EBF3: variants seen among roughly 807,000 people sequenced by gnomAD.
The protein encoded by EBF3 is transcription factor COE3.
In EBF3, 18 loss-of-function variants were observed where a neutral mutation model predicts 77.1. That is an observed-to-expected ratio of 0.23 (90% CI 0.16 to 0.35). The LOEUF (loss-of-function observed/expected upper bound fraction) is 0.35, where lower values mean the gene tolerates loss of function less well. EBF3 is among the 10% of genes least tolerant of loss of function. The probability of loss-of-function intolerance (pLI) is 1.00; values close to 1 mark genes in which losing one functional copy is unlikely to be tolerated. For synonymous variants in EBF3, 350 were observed against 343.5 expected, an observed-to-expected ratio of 1.02 and a Z score of -0.21; for missense variants, 558 against 860.0, an observed-to-expected ratio of 0.65 and a Z score of 4.39.
intron 10 of EBF3, among the ~76,000 whole-genome samples, chr10:129,859,222 C>T (rs80004085): frequency 0.012 from 1,753 of 151,674 alleles, 24 homozygotes; most frequent in African/African-American, 0.031. Flanking sequence ...ACTCATTTTG[C>T]TTTTTTTTTG....
chr10:129,949,644 A>G (rs1247787513), intron 6 of EBF3, among the ~76,000 whole-genome samples: 2 of 152,132 alleles, frequency 1.3e-5, no homozygotes, highest in Non-Finnish European at 2.9e-5. Context: ...TGTACTGCAC[A>G]TATGTCACCC....
chr10:129,922,040 G>A (rs1856349123), intron 6 of EBF3, among the ~76,000 whole-genome samples: 1 of 152,228 alleles, frequency 6.6e-6, no homozygotes, highest in African/African-American at 2.4e-5. Flanking sequence ...GAGTAGCATA[G>A]GCTCATGAGG....
chr10:129,908,041 C>T (rs1284680694), intron 6 of EBF3, among the ~76,000 whole-genome samples: 1 of 152,194 alleles, frequency 6.6e-6, no homozygotes, highest in Non-Finnish European at 1.5e-5. Flanking sequence ...CCTGCCATTT[C>T]TCCTCTGATA....
rs1857973654 is a variant in EBF3 at position 129,943,826 on chromosome 10, T to A, written c.554+13432A>T. ...TTGATCCTTTTGAGCAGTTTTTTTCTGTGCTGAGCTCTCTGGAACCATATG... is the reference window on the plus strand; with the variant it reads ...TTGATCCTTTTGAGCAGTTTTTTTCAGTGCTGAGCTCTCTGGAACCATATG... On this transcript the variant is annotated intron_variant, in intron 6 of 16. Coordinates refer to ENST00000440978, the MANE Select transcript of EBF3 (RefSeq NM_001375380.1). This position sits in a 1 kb window ranked among gnomAD's most constrained non-coding sequence, Gnocchi z 8.8. Among the ~76,000 whole-genome samples, 1 of 152,246 alleles carries A rather than the reference T, an allele frequency of 6.6e-6. No homozygotes were observed. The highest frequency in any genetic ancestry group is 2.1e-4 in the South Asian group (1 of 4,824).
At position 129,864,616 on chromosome 10, in the gene EBF3, C is replaced by T. The variant is rs988682458; in HGVS notation, c.1039+2525G>A. 2.6e-5 allele frequency among the ~76,000 whole-genome samples: 4 copies of T among 152,230 alleles called. No individual in the cohort carries two copies. The highest frequency in any genetic ancestry group is 4.4e-5 in the Non-Finnish European group (3 of 68,038). On this transcript the variant is annotated intron_variant, in intron 10 of 16. Transcript: ENST00000440978. The surrounding 1 kb of genome is among the most constrained non-coding windows in gnomAD (Gnocchi z 4.4). ...AAAGCATTCATCCGGGATGGGCTGA[C>T]AGTCCAGTGTAAGAACAGGGGGCTT... is the stretch of plus-strand genomic sequence containing the variant.
At chr10:129,899,165 G>C (rs1055344984) in intron 6 of EBF3, among the ~76,000 whole-genome samples, 3 of 152,240 alleles carry the variant, frequency 2.0e-5, no homozygotes, top group African/African-American at 7.2e-5. Flanking sequence ...CTTTTATTAA[G>C]AGCTACATTG....
intron 6 of EBF3, among the ~76,000 whole-genome samples, chr10:129,878,956 G>C (rs1358267411): frequency 6.6e-6 from 1 of 152,152 alleles, no homozygotes; most frequent in African/African-American, 2.4e-5. Context: ...GGCTGGGGAG[G>C]TGAGGCCGAA....
In EBF3 at chr10:129,879,288, T is replaced by TGG. The variant is rs1451889165; in HGVS notation, c.555-1441_555-1440dup. Among the ~76,000 whole-genome samples the TGG allele has an allele frequency of 2.0e-5, 3 of 152,190 alleles. No homozygotes were observed. The highest frequency in any genetic ancestry group is 4.4e-5 in the Non-Finnish European group (3 of 68,032). ...TGCTGAAACACCCACTCTCTGCACG[T>TGG]GGCCAAGCATCCTGTCCAGCAAGGT... On this transcript the variant is annotated intron_variant, in intron 6 of 16. Transcript: ENST00000440978. The surrounding 1 kb of genome is among the most constrained non-coding windows in gnomAD (Gnocchi z 4.7).
At chr10:129,857,667 G>A (rs1327175449) in intron 10 of EBF3, among the ~76,000 whole-genome samples, 3 of 152,292 alleles carry the variant, frequency 2.0e-5, no homozygotes, top group South Asian at 2.1e-4. Flanking sequence ...TTCTGCACCA[G>A]ACACGTGCCA....
chr10:129,908,915 T>C (rs1855330120), intron 6 of EBF3, among the ~76,000 whole-genome samples: 2 of 152,206 alleles, frequency 1.3e-5, no homozygotes, highest in South Asian at 2.1e-4. Flanking sequence ...TGCAACTGCC[T>C]CTTTAAGTAA....
chr10:129,951,694 A>C (rs1454968217), intron 6 of EBF3, among the ~76,000 whole-genome samples: 1 of 152,188 alleles, frequency 6.6e-6, no homozygotes, highest in East Asian at 1.9e-4. Context: ...GGTGGCCCTG[A>C]CCCACCGCGG....
At chr10:129,867,351 A>G in intron 9 of EBF3, 84 bp from the exon 10 acceptor site, 2 of 1,575,262 alleles carry the variant, frequency 1.3e-6, no homozygotes, top group Non-Finnish European at 1.7e-6. Flanking sequence ...AATTACCAAA[A>G]TGAGCACAAA....
At chr10:129,948,852 CT>C (rs1858444404) in intron 6 of EBF3, among the ~76,000 whole-genome samples, 1 of 152,230 alleles carries the variant, frequency 6.6e-6, no homozygotes, top group East Asian at 1.9e-4. Flanking sequence ...CTGTTTGCAT[CT>C]CCCAGTCCTT....
chr10:129,868,053 A>C, intron 8 of EBF3, 141 bp from the exon 9 acceptor site: 2 of 1,148,376 alleles, frequency 1.7e-6, no homozygotes, highest in South Asian at 3.1e-5. Context: ...GGGCAACCGT[A>C]GATCAGCATG....
intron 6 of EBF3, 135 bp from the exon 7 acceptor site, chr10:129,877,984 A>T: frequency 1.5e-6 from 1 of 674,298 alleles, no homozygotes; most frequent in South Asian, 2.0e-5. Flanking sequence ...AGGGGGCGAC[A>T]TTGAGAAGAG....
intron 10 of EBF3, among the ~76,000 whole-genome samples, chr10:129,851,037 C>T (rs1850843492): frequency 6.6e-6 from 1 of 152,250 alleles, no homozygotes; most frequent in Admixed American, 6.5e-5. Flanking sequence ...CAATCAATAC[C>T]ACTTTCCTGT....
rs1851605679 is a variant in EBF3, at chr10:129,861,154, G to C, written c.1039+5987C>G. Among the ~76,000 whole-genome samples, 1 of 152,214 alleles carries C rather than the reference G, an allele frequency of 6.6e-6. No individual in the cohort carries two copies. Among genetic ancestry groups the C allele is most frequent in the African/African-American group, 2.4e-5 (1 of 41,462 alleles). ...AGATTAACTGATCATGGTTTGGGTTGATGCTGTGCCGTAGCAGTGGGGAGG... is the reference window on the plus strand; with the variant it reads ...AGATTAACTGATCATGGTTTGGGTTCATGCTGTGCCGTAGCAGTGGGGAGG... On this transcript the variant is annotated intron_variant, in intron 10 of 16. Coordinates refer to ENST00000440978, the MANE Select transcript of EBF3 (RefSeq NM_001375380.1). This position sits in a 1 kb window ranked among gnomAD's most constrained non-coding sequence, Gnocchi z 4.3.
At chr10:129,846,314 GC>G (rs2133972942) in intron 11 of EBF3, among the ~76,000 whole-genome samples, 1 of 151,852 alleles carries the variant, frequency 6.6e-6, no homozygotes, top group African/African-American at 2.4e-5. Flanking sequence ...GCTTTCTGTC[GC>G]CCCACAATTA....
At chr10:129,930,496 A>G (rs771994440) in intron 6 of EBF3, among the ~76,000 whole-genome samples, 8 of 138,456 alleles carry the variant, frequency 5.8e-5, no homozygotes, top group Non-Finnish European at 1.0e-4. Context: ...CCTCTCATAT[A>G]TCTATATCTG....
Sources: allele counts gnomAD v4.1 joint callset (sites outside exome capture counted in the v4.1 genomes callset), GRCh38; gene constraint gnomAD v4.1.1; non-coding constraint Gnocchi (gnomAD v3.1); transcripts MANE v1.5; gene names NCBI Gene and HGNC (gene_info 2026-07-23, HGNC 2026-07-21).